TC2N: variants seen among roughly 807,000 people sequenced by gnomAD.
TC2N encodes the protein tandem C2 domains, nuclear.
A neutral mutation model predicts 61.9 loss-of-function variants in TC2N; 51 were observed. The observed-to-expected ratio is 0.82, with a 90% CI of 0.66 to 1.04. TC2N has a LOEUF of 1.04. Among genes scored for constraint, TC2N ranks in the 50% least tolerant of loss-of-function variants. The pLI is 0.00. For synonymous variants in TC2N, 204 were observed against 192.6 expected, an observed-to-expected ratio of 1.06 and a Z score of -0.49; for missense variants, 556 against 566.7, an observed-to-expected ratio of 0.98 and a Z score of 0.19.
intron 2 of TC2N, 52 bp from the exon 3 acceptor site, chr14:91,812,597 A>C: frequency 1.1e-6 from 1 of 893,570 alleles, no homozygotes; most frequent in African/African-American, 1.7e-5. Flanking sequence ...GTTACATATA[A>C]TAATCTAAAC....
chr14:91,805,576 A>G (rs1183593688), intron 3 of TC2N, among the ~76,000 whole-genome samples: 1 of 152,110 alleles, frequency 6.6e-6, no homozygotes, highest in Non-Finnish European at 1.5e-5. Flanking sequence ...GAGGCAGGAG[A>G]ATCGCTTGAA....
intron 7 of TC2N, 31 bp from the exon 8 acceptor site, chr14:91,797,932 T>C (rs751735100): frequency 2.3e-6 from 3 of 1,316,962 alleles, no homozygotes; most frequent in Admixed American, 3.8e-5. Context: ...GTTTGAATTT[T>C]ACAAAGGATC....
At chr14:91,857,729 G>A (rs948769708) in intron 1 of TC2N, among the ~76,000 whole-genome samples, 9 of 152,166 alleles carry the variant, frequency 5.9e-5, no homozygotes, top group East Asian at 1.9e-4. Context: ...CAACAGATTC[G>A]CACTATGATG....
intron 1 of TC2N, among the ~76,000 whole-genome samples, chr14:91,859,906 C>A (rs1041867849): frequency 4.6e-5 from 7 of 152,094 alleles, no homozygotes; most frequent in African/African-American, 1.7e-4. Flanking sequence ...AGAATTTGGT[C>A]TAAAGGAGGG....
Position 91,782,996 on chromosome 14 carries a change from A to C in TC2N, c.*104T>G, listed in dbSNP as rs1278643046. On this transcript the variant is annotated 3_prime_UTR_variant, in exon 12 of 12. Transcript: ENST00000435962. ...ATATACCATAATTATAGCCCCCATAAATTGACAAATTTGTTGATTTGCCTC... is the reference window on the plus strand; with the variant it reads ...ATATACCATAATTATAGCCCCCATACATTGACAAATTTGTTGATTTGCCTC... The C allele has an allele frequency of 5.6e-6, 4 of 713,514 alleles. No individual in the cohort carries two copies. The African/African-American group carries it at 7.1e-5, about 13-fold the overall frequency. The allele number at this position is 713,514 out of a possible 1,614,324, so 44.2% of individuals were successfully genotyped here.
chr14:91,787,456 T>C (rs1343129293), intron 10 of TC2N, 57 bp downstream of exon 10: 1 of 964,880 alleles, frequency 1.0e-6, no homozygotes, highest in Admixed American at 2.7e-5. Context: ...GTAAAAAAAA[T>C]ACTTTCTATT....
At chr14:91,801,061 T>TATGTATACATATATACATATATACACAC (rs2049499801) in intron 4 of TC2N, among the ~76,000 whole-genome samples, 1 of 99,770 alleles carries the variant, frequency 1.0e-5, no homozygotes, top group Non-Finnish European at 2.3e-5. Flanking sequence ...TATATACACA[T>TATGTATACATATATACATATATACACAC]ACATATATAT....
intron 1 of TC2N, among the ~76,000 whole-genome samples, chr14:91,820,575 C>T (rs1476552583): frequency 2.6e-5 from 4 of 151,764 alleles, no homozygotes; most frequent in African/African-American, 9.7e-5. Flanking sequence ...ACTCTCTCTA[C>T]CTTTATTCAA....
chr14:91,811,499 T>C (rs1462427586), intron 3 of TC2N, among the ~76,000 whole-genome samples: 2 of 151,822 alleles, frequency 1.3e-5, no homozygotes, highest in Non-Finnish European at 2.9e-5. Context: ...ACATGTTGTT[T>C]CATCTTCTCT....
intron 1 of TC2N, among the ~76,000 whole-genome samples, chr14:91,858,152 C>CTTCTTTTTTTTTTTTTT (rs1555373188): frequency 2.2e-5 from 2 of 92,334 alleles, no homozygotes; most frequent in Non-Finnish European, 4.2e-5. Flanking sequence ...TCTTCTTCTT[C>CTTCTTTTTTTTTTTTTT]TTTTTTTTTT....
intron 1 of TC2N, among the ~76,000 whole-genome samples, chr14:91,830,655 C>CA (rs35586815): frequency 0.51 from 76,215 of 150,304 alleles, 20,001 homozygotes; most frequent in Non-Finnish European, 0.57. Flanking sequence ...AATGAATATA[C>CA]AAAAAAAAAC....
intron 1 of TC2N, among the ~76,000 whole-genome samples, chr14:91,849,801 A>G (rs763401728): frequency 6.6e-6 from 1 of 152,218 alleles, no homozygotes; most frequent in Non-Finnish European, 1.5e-5. Flanking sequence ...TAATCCCAGC[A>G]CTTTGGGAGG....
At chr14:91,827,123 T>A (rs1887534170) in intron 1 of TC2N, among the ~76,000 whole-genome samples, 1 of 152,228 alleles carries the variant, frequency 6.6e-6, no homozygotes, top group African/African-American at 2.4e-5. Context: ...GGCTTTCTAT[T>A]TGTCCTACTT....
intron 1 of TC2N, among the ~76,000 whole-genome samples, chr14:91,845,462 T>C (rs1301271084): frequency 1.3e-5 from 2 of 152,144 alleles, no homozygotes; most frequent in African/African-American, 4.8e-5. Flanking sequence ...AGTTGGTAAA[T>C]TGTAAAGCCT....
At chr14:91,844,579 T>C (rs1413730131) in intron 1 of TC2N, among the ~76,000 whole-genome samples, 1 of 151,846 alleles carries the variant, frequency 6.6e-6, no homozygotes, top group Non-Finnish European at 1.5e-5. Context: ...CTGGCCAACA[T>C]GGTGAAACCC....
At chr14:91,864,677 T>G (rs1888659503) in intron 1 of TC2N, among the ~76,000 whole-genome samples, 1 of 152,186 alleles carries the variant, frequency 6.6e-6, no homozygotes. Flanking sequence ...CCAATGACTC[T>G]GTGGCCTTAA....
intron 1 of TC2N, among the ~76,000 whole-genome samples, chr14:91,816,684 T>C (rs1887016080): frequency 6.6e-6 from 1 of 151,962 alleles, no homozygotes; most frequent in Non-Finnish European, 1.5e-5. Context: ...TTTTCTATAC[T>C]GACATCCTGT....
intron 3 of TC2N, among the ~76,000 whole-genome samples, chr14:91,809,533 G>C (rs1228705192): frequency 6.6e-6 from 1 of 152,126 alleles, no homozygotes; most frequent in Non-Finnish European, 1.5e-5. Flanking sequence ...TGAAGGCAAT[G>C]AAGAGTAAAG....
chr14:91,797,738 A>T (rs768522532), intron 8 of TC2N, 47 bp downstream of exon 8: 43 of 363,038 alleles, frequency 1.2e-4, no homozygotes, highest in Non-Finnish European at 1.4e-4. Context: ...GACAAATATA[A>T]AAAAAAAAAA....
Sources: allele counts gnomAD v4.1 joint callset (sites outside exome capture counted in the v4.1 genomes callset), GRCh38; gene constraint gnomAD v4.1.1; transcripts MANE v1.5; gene names NCBI Gene and HGNC (gene_info 2026-07-23, HGNC 2026-07-21).